Variants in UAP1 observed in about 807,000 individuals in gnomAD.
The protein encoded by UAP1 is UDP-N-acetylglucosamine pyrophosphorylase 1.
UAP1 carries 25 observed loss-of-function variants against 58.5 expected under a neutral mutation model. That is an observed-to-expected ratio of 0.43 (90% CI 0.31 to 0.60). The LOEUF (loss-of-function observed/expected upper bound fraction) is 0.60. UAP1 is among the 20% of genes least tolerant of loss of function. The probability of loss-of-function intolerance (pLI) is 0.11; values close to 1 mark genes in which losing one functional copy is unlikely to be tolerated. For missense variants in UAP1, 575 were observed against 630.0 expected (o/e 0.91, Z 0.93); for synonymous variants, 208 against 213.0 (o/e 0.98, Z 0.21).
At chr1:162,570,130 C>T (rs1332628891) in intron 2 of UAP1, among the ~76,000 whole-genome samples, 3 of 140,676 alleles carry the variant, frequency 2.1e-5, no homozygotes, top group African/African-American at 8.0e-5. Flanking sequence ...GCCTGGTTGA[C>T]AGAGCGAGAC....
chr1:162,588,660 C>T (rs576653609), intron 6 of UAP1, 33 bp from the exon 7 acceptor site: 46 of 1,579,158 alleles, frequency 2.9e-5, no homozygotes, highest in Admixed American at 5.8e-5. Flanking sequence ...AAATCTGGAA[C>T]GTGATTATAT....
At chr1:162,577,191 C>A in intron 3 of UAP1, among the ~76,000 whole-genome samples, 1 of 151,954 alleles carries the variant, frequency 6.6e-6, no homozygotes, top group East Asian at 1.9e-4. Flanking sequence ...TACTCACCGC[C>A]AACTTTTACA....
chr1:162,571,751 T>C (rs1653877348), intron 2 of UAP1, among the ~76,000 whole-genome samples: 1 of 152,254 alleles, frequency 6.6e-6, no homozygotes, highest in South Asian at 2.1e-4. Context: ...AACAGCATTT[T>C]ATCTGTCATC....
chr1:162,563,672 A>G (rs1653316782), intron 1 of UAP1, among the ~76,000 whole-genome samples: 3 of 152,186 alleles, frequency 2.0e-5, no homozygotes, highest in Admixed American at 2.0e-4. Flanking sequence ...CCTATGAGGT[A>G]TCTTATTTGC....
chr1:162,597,977 G>A, intron 10 of UAP1, 119 bp downstream of exon 10: 1 of 866,494 alleles, frequency 1.2e-6, no homozygotes, highest in South Asian at 1.7e-5. Flanking sequence ...TGAGGTGATA[G>A]ATATGTTAAT....
In UAP1 at chr1:162,580,829, A is replaced by G. The variant is rs78617871; in HGVS notation, c.662-458A>G. Among the ~76,000 whole-genome samples the G allele has an allele frequency of 2.0e-3, 303 of 152,300 alleles. 5 individuals carry two copies. In the East Asian group the frequency reaches 0.049, roughly 25 times the overall value. The stretch of plus-strand genomic sequence containing the variant: ...TAAATCACCTTAGGCCTCCATATCA[A>G]TCTGTTTTTTTAACAAATGATTTGA... On this transcript the variant is annotated intron_variant, in intron 4 of 10. Coordinates refer to ENST00000271469, the Ensembl canonical transcript of UAP1.
chr1:162,597,903 TATATTTCAAAATAATGA>T, intron 10 of UAP1, 45 bp downstream of exon 10: 1 of 1,504,764 alleles, frequency 6.6e-7, no homozygotes, highest in Non-Finnish European at 9.1e-7. Flanking sequence ...CAAAGCTTTG[TATATTTCAAAATAATGA>T]AAAAGTGGAT....
At chr1:162,569,429 G>A (rs1653720054) in intron 2 of UAP1, among the ~76,000 whole-genome samples, 1 of 152,164 alleles carries the variant, frequency 6.6e-6, no homozygotes, top group Non-Finnish European at 1.5e-5. Context: ...GAGAGATCTT[G>A]CTTTATTTCT....
chr1:162,596,486 T>G (rs1313283094), intron 9 of UAP1, among the ~76,000 whole-genome samples: 2 of 152,216 alleles, frequency 1.3e-5, no homozygotes, highest in Non-Finnish European at 2.9e-5. Flanking sequence ...CATTTATTTT[T>G]TATATGAATA....
exon 5 of UAP1, chr1:162,581,366 T>A: frequency 6.2e-7 from 1 of 1,614,152 alleles, no homozygotes; most frequent in East Asian, 2.2e-5. Context: ...TTTGGAGCAT[T>A]CATGTCTATT....
At chr1:162,563,493 T>C (rs1184216515) in intron 1 of UAP1, among the ~76,000 whole-genome samples, 1 of 152,108 alleles carries the variant, frequency 6.6e-6, no homozygotes, top group African/African-American at 2.4e-5. Flanking sequence ...GCCTCCTGAG[T>C]AGCTGGGACT....
At chr1:162,571,164 C>A (rs1335976137) in intron 2 of UAP1, among the ~76,000 whole-genome samples, 1 of 150,772 alleles carries the variant, frequency 6.6e-6, no homozygotes, top group African/African-American at 2.4e-5. Flanking sequence ...AGTCTCACTC[C>A]GTTGCCCAGG....
chr1:162,580,056 G>C (rs577156049), intron 4 of UAP1, among the ~76,000 whole-genome samples: 1 of 152,100 alleles, frequency 6.6e-6, no homozygotes, highest in East Asian at 1.9e-4. Context: ...TTGTAGAGAA[G>C]GGCTTTCGCC....
rs78088824 is a variant in UAP1, at chr1:162,594,344, C to T, written c.1409+1562C>T. On this transcript the variant is annotated intron_variant, in intron 9 of 10. Coordinates refer to ENST00000271469, the Ensembl canonical transcript of UAP1. ...TTCACATTCTTAAGAGAATCTGTTG[C>T]GGCCACTGATCTGACAGGAGGTGGA... is the stretch of plus-strand genomic sequence containing the variant. Among the ~76,000 whole-genome samples the T allele has an allele frequency of 8.6e-3, 1,306 of 152,214 alleles. 10 individuals carry two copies. Among genetic ancestry groups the T allele is most frequent in the African/African-American group, 0.03 (1,227 of 41,526 alleles).
chr1:162,565,052 A>AG (rs1653403653), intron 1 of UAP1, among the ~76,000 whole-genome samples: 1 of 151,884 alleles, frequency 6.6e-6, no homozygotes, highest in African/African-American at 2.4e-5. Flanking sequence ...TGTTTTTTGT[A>AG]GGGGTGGGGT....
rs527613564 is a variant in UAP1, at chr1:162,590,904, A to G, written c.1358+393A>G. 4.7e-5 allele frequency among the ~76,000 whole-genome samples: 7 copies of G among 149,228 alleles called. No individual in the cohort carries two copies. In the East Asian group the frequency reaches 7.9e-4, roughly 17 times the overall value. On this transcript the variant is annotated intron_variant, in intron 8 of 10. Transcript: ENST00000271469. The stretch of plus-strand genomic sequence containing the variant: ...CAGAGGATTGTTTGTTGTTGCCCAT[A>G]TATCTGTGGCCTCACCACTATTTTT...
chr1:162,590,264 G>A, intron 7 of UAP1, 59 bp from the exon 8 acceptor site: 1 of 1,394,100 alleles, frequency 7.2e-7, no homozygotes, highest in Non-Finnish European at 9.8e-7. Context: ...TATGTTAAAG[G>A]GTTAGAAGCT....
At chr1:162,568,178 A>G (rs1217690759) in intron 2 of UAP1, among the ~76,000 whole-genome samples, 1 of 152,162 alleles carries the variant, frequency 6.6e-6, no homozygotes, top group East Asian at 1.9e-4. Context: ...CAACATGGCT[A>G]TTTTTATTTT....
intron 3 of UAP1, among the ~76,000 whole-genome samples, chr1:162,578,932 C>T (rs1654378948): frequency 6.6e-6 from 1 of 152,010 alleles, no homozygotes; most frequent in African/African-American, 2.4e-5. Context: ...TTTTTTGCCA[C>T]ACTAGCATGG....
Sources: gnomAD v4.1 joint callset for allele counts (sites outside exome capture counted in the v4.1 genomes callset) on GRCh38, gnomAD v4.1.1 for gene constraint, MANE v1.5 for transcripts, NCBI Gene and HGNC (gene_info 2026-07-23, HGNC 2026-07-21) for gene names.